The following COL21A1 variants were observed in gnomAD, a reference collection of about 807,000 sequenced individuals.
COL21A1 encodes collagen alpha-1(XXI) chain.
In COL21A1, 149 loss-of-function variants were observed where a neutral mutation model predicts 137.9. That is an observed-to-expected ratio of 1.08 (90% CI 0.95 to 1.24). The LOEUF (loss-of-function observed/expected upper bound fraction) is 1.24. COL21A1 is among the 50% of genes most tolerant of loss of function. The probability of loss-of-function intolerance (pLI) is 0.00; values close to 1 mark genes in which losing one functional copy is unlikely to be tolerated. For missense variants in COL21A1, 1,167 were observed against 1,158.4 expected, an observed-to-expected ratio of 1.01 and a Z score of -0.11; for synonymous variants, 456 against 391.5, an observed-to-expected ratio of 1.16 and a Z score of -1.95.
chr6:56,156,717 T>C (rs1365871702), intron 10 of COL21A1, among the ~76,000 whole-genome samples, 170 bp downstream of exon 10: 1 of 152,236 alleles, frequency 6.6e-6, no homozygotes, highest in East Asian at 1.9e-4. Flanking sequence ...GTCCTAGTGC[T>C]CACACACCCT....
chr6:56,251,541 C>T (rs113889308), upstream of COL21A1, among the ~76,000 whole-genome samples: 842 of 152,262 alleles, frequency 5.5e-3, 8 homozygotes, highest in African/African-American at 0.02. Flanking sequence ...AGCAAAAGCT[C>T]ATTGTTCATA....
chr6:56,261,748 G>C (rs541347864), intron 1 of COL21A1, among the ~76,000 whole-genome samples: 8 of 152,300 alleles, frequency 5.3e-5, no homozygotes, highest in African/African-American at 1.9e-4. Context: ...ATTATGGTGG[G>C]CTTAAATCAA....
intron 1 of COL21A1, among the ~76,000 whole-genome samples, chr6:56,226,303 G>A (rs1208552434): frequency 6.6e-6 from 1 of 151,996 alleles, no homozygotes; most frequent in East Asian, 1.9e-4. Context: ...CTAGAAAGAA[G>A]AGCAAAGTAA....
intron 16 of COL21A1, among the ~76,000 whole-genome samples, chr6:56,119,004 C>T (rs540587476): frequency 2.6e-5 from 4 of 152,054 alleles, no homozygotes; most frequent in African/African-American, 9.7e-5. Context: ...AAAAGCCTTT[C>T]CTGTAAGATC....
rs1562187878 is a variant in COL21A1 at position 56,097,826 on chromosome 6, T to TAAATATATATAAATATATAA, written c.1812+3626_1812+3645dup. Among the ~76,000 whole-genome samples, 10 of 51,162 alleles carry TAAATATATATAAATATATAA rather than the reference T, an allele frequency of 2.0e-4. 1 individual carries two copies. The highest frequency in any genetic ancestry group is 9.3e-4 in the African/African-American group (10 of 10,748). The allele number at this position is 51,162 out of a possible 152,430, so 33.6% of individuals were successfully genotyped here. On this transcript the variant is annotated intron_variant, in intron 17 of 29. Coordinates refer to ENST00000244728, the MANE Select transcript of COL21A1 (RefSeq NM_030820.4). Reference sequence around the variant, plus strand: ...CTATATAAATATATATAAATACATATAAATATATATAAATATATAAATATA... The same window carrying TAAATATATATAAATATATAA: ...CTATATAAATATATATAAATACATATAAATATATATAAATATATAAAAATATATATAAATATATAAATATA...
intron 1 of COL21A1, among the ~76,000 whole-genome samples, chr6:56,259,356 C>G (rs180744794): frequency 1.0e-3 from 152 of 152,306 alleles, no homozygotes; most frequent in Non-Finnish European, 1.0e-3. Flanking sequence ...TCCTTCCATC[C>G]ATCTCTCTGA....
At chr6:56,169,454 C>T (rs1776853147) in intron 5 of COL21A1, among the ~76,000 whole-genome samples, 1 of 151,904 alleles carries the variant, frequency 6.6e-6, no homozygotes, top group Admixed American at 6.6e-5. Flanking sequence ...ATGAAACATT[C>T]ACTGAATAAA....
At chr6:56,070,622 T>C in intron 21 of COL21A1, 123 bp downstream of exon 21, 1 of 593,082 alleles carries the variant, frequency 1.7e-6, no homozygotes, top group Non-Finnish European at 2.8e-6. Flanking sequence ...CTTAATTTCA[T>C]GATAAAGGTA....
chr6:56,363,492 C>T (rs1766023630), intron 1 of COL21A1, among the ~76,000 whole-genome samples: 1 of 152,154 alleles, frequency 6.6e-6, no homozygotes, highest in East Asian at 1.9e-4. Flanking sequence ...TTAGGTGGTC[C>T]TGTTGTGCCA....
intron 28 of COL21A1, among the ~76,000 whole-genome samples, chr6:56,059,545 A>G (rs1281104944): frequency 1.3e-5 from 2 of 152,194 alleles, no homozygotes; most frequent in African/African-American, 4.8e-5. Context: ...TTGCTTATAT[A>G]CTATTAAACA....
At chr6:56,225,716 A>C (rs2152314960) in intron 1 of COL21A1, 1 of 152,226 alleles carries the variant, frequency 6.6e-6, no homozygotes, top group East Asian at 1.9e-4. Flanking sequence ...TAGTCTTTTT[A>C]AAATTTAATT....
chr6:56,129,699 T>TGTGTGTGTGTGA lies in COL21A1; in HGVS notation c.1543-3551_1543-3550insTCACACACACAC, dbSNP rs1450514214. Among the ~76,000 whole-genome samples the TGTGTGTGTGTGA allele has an allele frequency of 5.6e-3, 679 of 120,468 alleles. 9 individuals carry two copies. Among genetic ancestry groups the TGTGTGTGTGTGA allele is most frequent in the African/African-American group, 0.02 (640 of 32,328 alleles). The allele number at this position is 120,468 out of a possible 152,430, so 79.0% of individuals were successfully genotyped here. On this transcript the variant is annotated intron_variant, in intron 12 of 29. Transcript: ENST00000244728. ...GCGTGTGTGTGTGTGTGTGTGTGTGTGAGAGAGAGAGAGAGAGAGAGAGAC... is the reference window on the plus strand; with the variant it reads ...GCGTGTGTGTGTGTGTGTGTGTGTGTGTGTGTGTGTGAGAGAGAGAGAGAGAGAGAGAGAGAC...
At chr6:56,074,463 T>TA (rs1223874371) in intron 19 of COL21A1, among the ~76,000 whole-genome samples, 178 bp from the exon 20 acceptor site, 1 of 151,440 alleles carries the variant, frequency 6.6e-6, no homozygotes, top group African/African-American at 2.4e-5. Context: ...ATAATAAAAG[T>TA]AAAAAATCAA....
At chr6:56,155,241 T>C (rs1423639687) in intron 10 of COL21A1, among the ~76,000 whole-genome samples, 2 of 152,252 alleles carry the variant, frequency 1.3e-5, no homozygotes, top group African/African-American at 4.8e-5. Flanking sequence ...TAGAGAGGTT[T>C]ACCTGTTTAT....
chr6:56,382,274 A>C (rs2094009911), intron 1 of COL21A1, among the ~76,000 whole-genome samples: 4 of 152,170 alleles, frequency 2.6e-5, no homozygotes, highest in Non-Finnish European at 2.9e-5. Context: ...ATTAGAAAAC[A>C]TTTGTCTTTT....
At chr6:56,301,448 A>G (rs1189938936) in intron 1 of COL21A1, among the ~76,000 whole-genome samples, 1 of 152,198 alleles carries the variant, frequency 6.6e-6, no homozygotes, top group African/African-American at 2.4e-5. Context: ...GTCTTAGCCC[A>G]TATGACCTAT....
chr6:56,218,457 A>C (rs1307988368), intron 1 of COL21A1, among the ~76,000 whole-genome samples: 4 of 152,248 alleles, frequency 2.6e-5, no homozygotes, highest in African/African-American at 7.2e-5. Context: ...TAAATCTATA[A>C]GACAACAGCT....
chr6:56,327,552 A>G (rs1331672012), intron 1 of COL21A1, among the ~76,000 whole-genome samples: 1 of 5,306 alleles, frequency 1.9e-4, no homozygotes, highest in Non-Finnish European at 1.4e-3. Context: ...ATGAAGCAAA[A>G]GGAGAAATAT....
At chr6:56,289,618 C>A (rs745838393) in intron 1 of COL21A1, among the ~76,000 whole-genome samples, 2 of 152,104 alleles carry the variant, frequency 1.3e-5, no homozygotes, top group African/African-American at 4.8e-5. Flanking sequence ...AATAATTTAA[C>A]CATACTCTTA....
Sources: gnomAD v4.1 joint callset for allele counts (sites outside exome capture counted in the v4.1 genomes callset) on GRCh38, gnomAD v4.1.1 for gene constraint, MANE v1.5 for transcripts, NCBI Gene and HGNC (gene_info 2026-07-23, HGNC 2026-07-21) for gene names.